The following VEPH1 variants were observed in gnomAD, a reference collection of about 807,000 sequenced individuals.
VEPH1 encodes the protein ventricular zone-expressed PH domain-containing protein homolog 1.
A neutral mutation model predicts 85.2 loss-of-function variants in VEPH1; 80 were observed. The ratio of observed to expected loss-of-function variants is 0.94; its 90% CI spans 0.78 to 1.13. The LOEUF (loss-of-function observed/expected upper bound fraction) is 1.13, where lower values mean the gene tolerates loss of function less well. VEPH1 is among the 50% of genes most tolerant of loss of function. The probability of loss-of-function intolerance (pLI) is 0.00; values close to 1 mark genes in which losing one functional copy is unlikely to be tolerated. For synonymous variants in VEPH1, 297 were observed against 348.0 expected (o/e 0.85, Z 1.63); for missense variants, 955 against 980.5 (o/e 0.97, Z 0.35).
chr3:157,325,454 C>T (rs557494219), intron 9 of VEPH1, among the ~76,000 whole-genome samples: 14 of 152,050 alleles, frequency 9.2e-5, no homozygotes, highest in East Asian at 1.9e-4. Flanking sequence ...ATTTTCTTCT[C>T]GGGTTTTGAT....
intron 9 of VEPH1, among the ~76,000 whole-genome samples, chr3:157,358,704 A>T (rs1444099929): frequency 1.3e-5 from 2 of 152,194 alleles, no homozygotes; most frequent in African/African-American, 4.8e-5. Context: ...ATGCCCACTA[A>T]TTGATATTAA....
At chr3:157,479,671 T>C (rs1231412457) in intron 2 of VEPH1, among the ~76,000 whole-genome samples, 1 of 152,236 alleles carries the variant, frequency 6.6e-6, no homozygotes, top group Non-Finnish European at 1.5e-5. Context: ...GTTAAGAACA[T>C]GGACTGCATC....
chr3:157,418,045 C>A (rs188795375), intron 5 of VEPH1, among the ~76,000 whole-genome samples: 9 of 152,138 alleles, frequency 5.9e-5, no homozygotes, highest in Non-Finnish European at 1.2e-4. Context: ...GGTCAACTGT[C>A]GGCATGGCTT....
chr3:157,361,712 A>G lies in VEPH1; in HGVS notation c.1735+1652T>C, dbSNP rs79251380. ...GCTATCCAGACTTGTTCAACCCACT[A>G]CTAGAAAAGTGAGTCTGCCCTAGCA... On this transcript the variant is annotated intron_variant, in intron 9 of 13. Coordinates refer to ENST00000362010, the MANE Select transcript of VEPH1 (RefSeq NM_001167912.2). Among the ~76,000 whole-genome samples the G allele has an allele frequency of 4.4e-3, 664 of 152,342 alleles. 5 individuals carry two copies. The highest frequency in any genetic ancestry group is 0.015 in the African/African-American group (638 of 41,568).
At chr3:157,455,669 A>C (rs1735315770) in intron 4 of VEPH1, among the ~76,000 whole-genome samples, 1 of 152,236 alleles carries the variant, frequency 6.6e-6, no homozygotes, top group South Asian at 2.1e-4. Context: ...AAGTGACAAC[A>C]TGCGGTATTT....
chr3:157,381,654 C>T (rs1037569028), intron 6 of VEPH1: 12 of 414,810 alleles, frequency 2.9e-5, no homozygotes, highest in East Asian at 1.0e-4. Context: ...AGGAGGCAGA[C>T]GGTGCAGTGA....
intron 2 of VEPH1, among the ~76,000 whole-genome samples, chr3:157,471,660 C>G (rs116502616): frequency 4.6e-5 from 7 of 151,196 alleles, no homozygotes; most frequent in African/African-American, 1.7e-4. Flanking sequence ...TGTATTTTCT[C>G]CTTTGGGAAC....
At chr3:157,298,691 C>T (rs981226368) in intron 11 of VEPH1, among the ~76,000 whole-genome samples, 1 of 151,606 alleles carries the variant, frequency 6.6e-6, no homozygotes, top group African/African-American at 2.4e-5. Context: ...ATTACCAGAC[C>T]CAGAAATGAG....
chr3:157,492,259 A>C (rs1053678164), intron 2 of VEPH1, among the ~76,000 whole-genome samples: 4 of 152,216 alleles, frequency 2.6e-5, no homozygotes, highest in African/African-American at 9.6e-5. Context: ...AGAAAGACTG[A>C]GTAAACAGAC....
chr3:157,278,708 G>C (rs1385223922), intron 12 of VEPH1, among the ~76,000 whole-genome samples: 2 of 152,134 alleles, frequency 1.3e-5, no homozygotes, highest in African/African-American at 4.8e-5. Context: ...AGATTTGAGA[G>C]CAATTGAGAA....
intron 6 of VEPH1, among the ~76,000 whole-genome samples, chr3:157,382,815 A>G (rs1290678902): frequency 6.6e-6 from 1 of 152,046 alleles, no homozygotes; most frequent in Non-Finnish European, 1.5e-5. Context: ...AGACTCTTTA[A>G]AAATCTTAAT....
At chr3:157,464,148 A>T (rs1736147412) in intron 3 of VEPH1, among the ~76,000 whole-genome samples, 1 of 152,174 alleles carries the variant, frequency 6.6e-6, no homozygotes, top group South Asian at 2.1e-4. Flanking sequence ...CTTGACTTAC[A>T]TTCAAAAAAG....
At chr3:157,451,298 C>T (rs981166837) in intron 4 of VEPH1, among the ~76,000 whole-genome samples, 1 of 151,962 alleles carries the variant, frequency 6.6e-6, no homozygotes, top group African/African-American at 2.4e-5. Flanking sequence ...GTTTTCTATC[C>T]CCTTAACTTT....
chr3:157,488,504 T>C (rs1738874798), intron 2 of VEPH1, among the ~76,000 whole-genome samples: 2 of 84,574 alleles, frequency 2.4e-5, no homozygotes, highest in African/African-American at 4.2e-5. Flanking sequence ...TCTTTCTTTC[T>C]TTCTTTTTTT....
chr3:157,406,449 G>A (rs967103351), intron 6 of VEPH1, among the ~76,000 whole-genome samples: 2 of 152,112 alleles, frequency 1.3e-5, no homozygotes, highest in Non-Finnish European at 2.9e-5. Flanking sequence ...TTTTCCTCCT[G>A]AAAGTGTTTT....
chr3:157,286,540 A>C lies in VEPH1; in HGVS notation c.2128+17T>G, dbSNP rs752623924. 8.2e-6 allele frequency: 13 copies of C among 1,592,602 alleles called. No homozygotes were observed. The South Asian group carries it at 1.4e-4, about 18-fold the overall frequency. On this transcript the variant is annotated intron_variant, in intron 12 of 13. Transcript: ENST00000362010. Reference sequence around the variant, plus strand: ...TGGGGCACAAATGGTTCTTAGCAGCAGGTAAGGGTCTCTCACCAGTTGCTT... The same window carrying C: ...TGGGGCACAAATGGTTCTTAGCAGCCGGTAAGGGTCTCTCACCAGTTGCTT...
chr3:157,358,358 A>G (rs1725672359), intron 9 of VEPH1, among the ~76,000 whole-genome samples: 1 of 152,176 alleles, frequency 6.6e-6, no homozygotes, highest in South Asian at 2.1e-4. Flanking sequence ...ACCTTAATGA[A>G]TGAGGCTCCA....
At chr3:157,446,298 G>C (rs1339735627) in intron 4 of VEPH1, among the ~76,000 whole-genome samples, 1 of 152,036 alleles carries the variant, frequency 6.6e-6, no homozygotes, top group Non-Finnish European at 1.5e-5. Context: ...GAAGCCCTCA[G>C]TCCCACGCAA....
chr3:157,424,974 G>C (rs970996892), intron 5 of VEPH1, among the ~76,000 whole-genome samples: 1 of 152,180 alleles, frequency 6.6e-6, no homozygotes, highest in Admixed American at 6.5e-5. Context: ...GAATTTCAGA[G>C]GTCTTCATGG....
Sources: gnomAD v4.1 joint callset for allele counts (sites outside exome capture counted in the v4.1 genomes callset) on GRCh38, gnomAD v4.1.1 for gene constraint, MANE v1.5 for transcripts, NCBI Gene and HGNC (gene_info 2026-07-23, HGNC 2026-07-21) for gene names.